The following UBXN11 variants were observed in gnomAD, a reference collection of about 807,000 sequenced individuals.
UBXN11 encodes the protein UBX domain protein 11.
UBXN11 carries 47 observed loss-of-function variants against 62.8 expected under a neutral mutation model. The observed-to-expected ratio is 0.75, with a 90% CI of 0.59 to 0.95. The LOEUF (loss-of-function observed/expected upper bound fraction) is 0.95. Among genes scored for constraint, UBXN11 ranks in the 40% least tolerant of loss-of-function variants. The pLI is 0.00. For synonymous variants in UBXN11, 294 were observed against 267.0 expected (o/e 1.10, Z -0.99); for missense variants, 638 against 661.7 (o/e 0.96, Z 0.39).
chr1:26,283,064 CT>C, intron 12 of UBXN11, 127 bp from the exon 13 acceptor site: 1 of 1,210,142 alleles, frequency 8.3e-7, no homozygotes, highest in Non-Finnish European at 1.2e-6. Context: ...AGGGGGTGTT[CT>C]GTATAAACCA....
intron 7 of UBXN11, 43 bp downstream of exon 7, chr1:26,296,876 G>A (rs2073406155): frequency 8.3e-6 from 13 of 1,564,760 alleles, no homozygotes; most frequent in Non-Finnish European, 1.1e-5. Context: ...GAAGAGCTGG[G>A]GACTGCTGGC....
chr1:26,317,061 T>C (rs1477274848), intron 1 of UBXN11, among the ~76,000 whole-genome samples: 3 of 83,326 alleles, frequency 3.6e-5, no homozygotes, highest in Non-Finnish European at 7.7e-5. Context: ...AAACCCAGTC[T>C]CCGCTAAAAA....
chr1:26,297,545 A>G, intron 5 of UBXN11, 64 bp from the exon 6 acceptor site: 1 of 1,469,078 alleles, frequency 6.8e-7, no homozygotes, highest in Non-Finnish European at 9.0e-7. Context: ...CCAGACAGGA[A>G]GCTCCAGAGC....
At chr1:26,290,992 G>A (rs572603181) in intron 8 of UBXN11, among the ~76,000 whole-genome samples, 13 of 152,288 alleles carry the variant, frequency 8.5e-5, no homozygotes, top group African/African-American at 2.6e-4. Context: ...GCTCTGTGAC[G>A]CTGGCAGAGA....
At position 26,282,793 on chromosome 1, in the gene UBXN11, C is replaced by A. The variant is rs1022435142; in HGVS notation, c.1152-4G>T. 6.2e-7 allele frequency: 1 copy of A among 1,614,024 alleles called. No homozygotes were observed. Among genetic ancestry groups the A allele is most frequent in the Non-Finnish European group, 8.5e-7 (1 of 1,180,034 alleles). On this transcript the variant is annotated splice_polypyrimidine_tract_variant and splice_region_variant and intron_variant, in intron 13 of 14. Coordinates refer to ENST00000374222, the MANE Select transcript of UBXN11 (RefSeq NM_001389556.1). ...CGTGTTGGGTGACTCCTGGCTCCTGCACAGCCCAGAGGCCATCAGCACGCG... is the reference window on the plus strand; with the variant it reads ...CGTGTTGGGTGACTCCTGGCTCCTGAACAGCCCAGAGGCCATCAGCACGCG...
intron 10 of UBXN11, chr1:26,285,045 G>A (rs1016822961): frequency 9.9e-7 from 1 of 1,012,554 alleles, no homozygotes; most frequent in African/African-American, 1.7e-5. Flanking sequence ...CATGGGGCCA[G>A]CTCTACCTCA....
upstream of UBXN11, among the ~76,000 whole-genome samples, chr1:26,309,230 G>A (rs1174136304): frequency 8.6e-6 from 1 of 116,168 alleles, no homozygotes; most frequent in Non-Finnish European, 1.8e-5. Context: ...ACTGCGCCCT[G>A]TCCCGAGTCA....
chr1:26,302,349 G>A (rs951422933), intron 2 of UBXN11, among the ~76,000 whole-genome samples: 25 of 117,900 alleles, frequency 2.1e-4, no homozygotes, highest in Admixed American at 1.0e-3. Context: ...GCGACAGAGC[G>A]AGACTTGGTC....
chr1:26,293,741 A>C (rs1299878354), intron 8 of UBXN11, among the ~76,000 whole-genome samples: 1 of 149,868 alleles, frequency 6.7e-6, no homozygotes, highest in Non-Finnish European at 1.5e-5. Flanking sequence ...AAAAAAAAAA[A>C]AAAAAAAAAA....
chr1:26,286,695 G>A (rs2073141471), intron 8 of UBXN11, among the ~76,000 whole-genome samples: 1 of 152,102 alleles, frequency 6.6e-6, no homozygotes, highest in South Asian at 2.1e-4. Context: ...CTTAAGGCAG[G>A]GGTAATTATT....
rs1309987334 is a variant in UBXN11 at position 26,285,944 on chromosome 1, A to T, written c.653T>A (p.Val218Glu). Residue 218 changes from valine to glutamate, a missense_variant, in exon 9 of 15, where the codon GTG (valine) becomes GAG (glutamate). Transcript: ENST00000374222. ...SELVVEGDTQ[V>E]TPVPGGARLR... Reference sequence around the variant, plus strand: ...CCGTGCCCCGCCGGGCACTGGTGTCACTTGGGTGTCACCCTCTACCACCAG... The same window carrying T: ...CCGTGCCCCGCCGGGCACTGGTGTCTCTTGGGTGTCACCCTCTACCACCAG... The T allele has an allele frequency of 1.9e-6, 3 of 1,613,674 alleles. No homozygotes were observed. Among genetic ancestry groups the T allele is most frequent in the East Asian group, 4.5e-5 (2 of 44,866 alleles).
At chr1:26,291,586 C>T (rs1228373044) in intron 8 of UBXN11, among the ~76,000 whole-genome samples, 1 of 152,180 alleles carries the variant, frequency 6.6e-6, no homozygotes, top group Non-Finnish European at 1.5e-5. Flanking sequence ...GGAGGTCCCC[C>T]CTGGCCAGGA....
upstream of UBXN11, among the ~76,000 whole-genome samples, chr1:26,307,486 TTAA>T (rs28365910): frequency 0.23 from 34,538 of 152,030 alleles, 4,629 homozygotes; most frequent in Non-Finnish European, 0.3. Context: ...TTTCCTGCTG[TTAA>T]TCATCATCAT....
Position 26,285,536 on chromosome 1 carries a change from G to A in UBXN11, c.780C>T (p.Cys260=), listed in dbSNP as rs759682701. ...AGAAGCCATCCAATATGTCTCGGAG[G>A]CAGCGCTGCAAGGGAAGAGGAAAAG... is the stretch of plus-strand genomic sequence containing the variant. ...QPFYDPSTQR[C]LRDILDGFFP... is the part of the protein sequence containing the mutation. Residue 260 remains cysteine, a synonymous_variant, in exon 10 of 15, where the codon TGC becomes TGT. Transcript: ENST00000374222. The A allele has an allele frequency of 4.4e-6, 7 of 1,583,436 alleles. No homozygotes were observed. In the African/African-American group the frequency reaches 9.4e-5, roughly 21 times the overall value.
chr1:26,309,647 T>C (rs149912166), upstream of UBXN11, among the ~76,000 whole-genome samples: 552 of 152,306 alleles, frequency 3.6e-3, 3 homozygotes, highest in African/African-American at 0.011. Context: ...CCATCATTTG[T>C]TGGGGATACA....
Position 26,301,576 on chromosome 1 carries a change from G to A in UBXN11, c.100+118C>T, listed in dbSNP as rs941110799. 15 of 1,419,490 alleles carry A rather than the reference G, an allele frequency of 1.1e-5. No individual in the cohort carries two copies. The African/African-American group carries it at 1.4e-4, about 13-fold the overall frequency. 87.9% of individuals were successfully genotyped at this position (1,419,490 alleles called of 1,614,324 possible). On this transcript the variant is annotated intron_variant, in intron 3 of 14. Transcript: ENST00000374222. ...GCATGGGAGCTGCACAGAACACGGT[G>A]GAGGCCGCTGCTCCAGCTGACAAGG...
In UBXN11 at chr1:26,288,077, A is replaced by T. The variant is rs560189361; in HGVS notation, c.560-2040T>A. On this transcript the variant is annotated intron_variant, in intron 8 of 14. Coordinates refer to ENST00000374222, the MANE Select transcript of UBXN11 (RefSeq NM_001389556.1). ...ATCACCACACCCTGCTAATTAATTT[A>T]AAAAAAAATTGTAGAGATGGGGTCT... 2.1e-4 allele frequency among the ~76,000 whole-genome samples: 23 copies of T among 111,158 alleles called. No individual in the cohort carries two copies. In the East Asian group the frequency reaches 2.8e-3, roughly 14 times the overall value. 72.9% of individuals were successfully genotyped at this position (111,158 alleles called of 152,430 possible).
intron 9 of UBXN11, 26 bp from the exon 10 acceptor site, chr1:26,285,567 G>T: frequency 6.5e-7 from 1 of 1,540,184 alleles, no homozygotes; most frequent in South Asian, 1.2e-5. Flanking sequence ...AAAAGTGAGG[G>T]GGTGGCCTGG....
intron 1 of UBXN11, among the ~76,000 whole-genome samples, chr1:26,312,114 A>G (rs2073749888): frequency 2.0e-5 from 3 of 151,914 alleles, no homozygotes; most frequent in Admixed American, 2.0e-4. Flanking sequence ...TGCCTTTTCC[A>G]TTTGGGAAAA....
Sources: gnomAD v4.1 joint callset for allele counts (sites outside exome capture counted in the v4.1 genomes callset) on GRCh38, gnomAD v4.1.1 for gene constraint, MANE v1.5 for transcripts, NCBI Gene and HGNC (gene_info 2026-07-23, HGNC 2026-07-21) for gene names.